Variants in MTSS1 observed in about 807,000 individuals in gnomAD.
The protein encoded by MTSS1 is MTSS I-BAR domain containing 1, also known as protein MTSS 1.
In MTSS1, 18 loss-of-function variants were observed where a neutral mutation model predicts 79.0. That is an observed-to-expected ratio of 0.23 (90% CI 0.16 to 0.34). The LOEUF is 0.34. MTSS1 is among the 10% of genes least tolerant of loss of function. The pLI is 1.00. For synonymous variants in MTSS1, 341 were observed against 368.6 expected (o/e 0.93, Z 0.86); for missense variants, 815 against 986.2 (o/e 0.83, Z 2.33).
chr8:124,617,186 G>A (rs1407377126), intron 3 of MTSS1, among the ~76,000 whole-genome samples: 2 of 152,144 alleles, frequency 1.3e-5, no homozygotes, highest in South Asian at 2.1e-4. Flanking sequence ...GAATACCAGC[G>A]GCAAGAAAAA....
At chr8:124,573,333 C>G (rs980015440) in intron 6 of MTSS1, among the ~76,000 whole-genome samples, 1 of 152,248 alleles carries the variant, frequency 6.6e-6, no homozygotes, top group Non-Finnish European at 1.5e-5. Context: ...TCAGGGAATC[C>G]TGCTGTGAAC....
chr8:124,660,431 T>TGC (rs1563949828), intron 3 of MTSS1, among the ~76,000 whole-genome samples: 3 of 71,614 alleles, frequency 4.2e-5, no homozygotes, highest in Non-Finnish European at 8.0e-5. Context: ...CCCATGCGCA[T>TGC]GCACACACAC....
At chr8:124,650,042 T>C (rs559139796) in intron 3 of MTSS1, among the ~76,000 whole-genome samples, 3 of 152,018 alleles carry the variant, frequency 2.0e-5, no homozygotes, top group African/African-American at 4.8e-5. Flanking sequence ...TTTTTTTTTT[T>C]TCCCTCGAGA....
At chr8:124,588,071 G>A (rs777263485) in intron 5 of MTSS1, among the ~76,000 whole-genome samples, 11 of 152,280 alleles carry the variant, frequency 7.2e-5, no homozygotes, top group South Asian at 4.1e-4. Context: ...CATGAAATAC[G>A]GTAAGTACTC....
intron 3 of MTSS1, among the ~76,000 whole-genome samples, chr8:124,600,799 C>G (rs953605264): frequency 6.6e-6 from 1 of 152,220 alleles, no homozygotes; most frequent in African/African-American, 2.4e-5. Flanking sequence ...ATTCCTTCTT[C>G]CCAAACATCT....
At chr8:124,601,968 A>G (rs1490441204) in intron 3 of MTSS1, among the ~76,000 whole-genome samples, 1 of 151,996 alleles carries the variant, frequency 6.6e-6, no homozygotes, top group African/African-American at 2.4e-5. Context: ...CTGAATTCTA[A>G]TAAGAGAAGA....
chr8:124,574,051 G>A (rs562948117), intron 6 of MTSS1, among the ~76,000 whole-genome samples: 3 of 152,216 alleles, frequency 2.0e-5, no homozygotes, highest in Admixed American at 6.5e-5. Context: ...GGAGTGCAGC[G>A]GCACAATCTC....
At chr8:124,700,823 T>G (rs932925283) in intron 2 of MTSS1, among the ~76,000 whole-genome samples, 11 of 152,116 alleles carry the variant, frequency 7.2e-5, no homozygotes, top group African/African-American at 2.4e-4. Context: ...TGTAACTAAG[T>G]GTTAATTTTC....
At chr8:124,707,240 C>G (rs372893234) in intron 1 of MTSS1, among the ~76,000 whole-genome samples, 1 of 152,118 alleles carries the variant, frequency 6.6e-6, no homozygotes, top group South Asian at 2.1e-4. Context: ...TTAAGACGAT[C>G]AAAGTATTTC....
chr8:124,604,406 C>T (rs1332552518), intron 3 of MTSS1, among the ~76,000 whole-genome samples: 1 of 151,972 alleles, frequency 6.6e-6, no homozygotes, highest in Non-Finnish European at 1.5e-5. Flanking sequence ...AGAAGAGAAA[C>T]ATTAGTCCTT....
chr8:124,607,048 G>T (rs749592282), intron 3 of MTSS1, among the ~76,000 whole-genome samples: 2 of 152,192 alleles, frequency 1.3e-5, no homozygotes, highest in Non-Finnish European at 2.9e-5. Flanking sequence ...CTGTTTTCTA[G>T]AAACTGACGT....
intron 1 of MTSS1, among the ~76,000 whole-genome samples, chr8:124,706,934 A>G (rs1830460748): frequency 6.6e-6 from 1 of 152,194 alleles, no homozygotes. Flanking sequence ...CCAAGATCAG[A>G]GTCCTCAGGA....
chr8:124,646,792 T>TAA (rs199859912), intron 3 of MTSS1, among the ~76,000 whole-genome samples: 5 of 147,730 alleles, frequency 3.4e-5, no homozygotes, highest in East Asian at 2.0e-4. Context: ...TCCTCATGGT[T>TAA]AAAAAAAAAA....
At chr8:124,718,102 T>C (rs1354883910) in intron 1 of MTSS1, among the ~76,000 whole-genome samples, 2 of 151,308 alleles carry the variant, frequency 1.3e-5, no homozygotes, top group Non-Finnish European at 3.0e-5. Flanking sequence ...GTGCGAGCCC[T>C]TGTGAGTGTG....
At chr8:124,713,869 C>A (rs914210285) in intron 1 of MTSS1, among the ~76,000 whole-genome samples, 4 of 151,746 alleles carry the variant, frequency 2.6e-5, no homozygotes, top group African/African-American at 9.7e-5. Flanking sequence ...TGCCTCAGTC[C>A]CCCAAGTAGC....
At chr8:124,600,055 CA>C (rs1177818674) in intron 3 of MTSS1, among the ~76,000 whole-genome samples, 2 of 72,796 alleles carry the variant, frequency 2.7e-5, no homozygotes, top group Admixed American at 1.4e-4. Context: ...AAAAAAAAAA[CA>C]AAAAAAAAAC....
chr8:124,630,833 T>C (rs1230113367), intron 3 of MTSS1, among the ~76,000 whole-genome samples: 1 of 152,202 alleles, frequency 6.6e-6, no homozygotes, highest in African/African-American at 2.4e-5. Flanking sequence ...ACATAAAGCT[T>C]AGAACCCAAG....
intron 1 of MTSS1, among the ~76,000 whole-genome samples, chr8:124,724,029 G>C: frequency 6.6e-6 from 1 of 152,178 alleles, no homozygotes; most frequent in East Asian, 1.9e-4. Flanking sequence ...CACAGGACAA[G>C]GAGCTCTCCA....
At chr8:124,682,148 C>T (rs1448203687) in intron 3 of MTSS1, among the ~76,000 whole-genome samples, 2 of 152,240 alleles carry the variant, frequency 1.3e-5, no homozygotes, top group African/African-American at 4.8e-5. Context: ...TTTCTTAACT[C>T]TAACAACAGG....
Sources: gnomAD v4.1 joint callset for allele counts (sites outside exome capture counted in the v4.1 genomes callset) on GRCh38, gnomAD v4.1.1 for gene constraint, MANE v1.5 for transcripts, NCBI Gene and HGNC (gene_info 2026-07-23, HGNC 2026-07-21) for gene names.